DUSP29: variants seen among roughly 807,000 people sequenced by gnomAD.
DUSP29 encodes dual specificity phosphatase 29.
DUSP29 carries 12 observed loss-of-function variants against 13.5 expected under a neutral mutation model. The ratio of observed to expected loss-of-function variants is 0.89; its 90% confidence interval spans 0.57 to 1.44. The LOEUF (loss-of-function observed/expected upper bound fraction) is 1.44. Ranked by LOEUF, DUSP29 falls within the 40% of genes most tolerant of loss-of-function variation. The pLI is 0.00. For synonymous variants in DUSP29, 134 were observed against 128.7 expected, an observed-to-expected ratio of 1.04 and a Z score of -0.28; for missense variants, 308 against 301.1, an observed-to-expected ratio of 1.02 and a Z score of -0.17.
At chr10:75,050,696 C>T (rs1248804509) in intron 2 of DUSP29, among the ~76,000 whole-genome samples, 1 of 152,252 alleles carries the variant, frequency 6.6e-6, no homozygotes, top group African/African-American at 2.4e-5. Context: ...CCACGCTGAG[C>T]CTGCAGTTCC....
chr10:75,045,737 T>C (rs1846693471), intron 2 of DUSP29, among the ~76,000 whole-genome samples: 1 of 152,200 alleles, frequency 6.6e-6, no homozygotes, highest in Admixed American at 6.5e-5. Context: ...CTGCCCGCCA[T>C]AGGAAGGAGT....
chr10:75,042,054 G>A (rs1308215154), intron 3 of DUSP29, among the ~76,000 whole-genome samples: 1 of 152,144 alleles, frequency 6.6e-6, no homozygotes, highest in Non-Finnish European at 1.5e-5. Context: ...GCACATGCTG[G>A]CGTGGTTATA....
intron 1 of DUSP29, among the ~76,000 whole-genome samples, chr10:75,063,356 G>A (rs1471612834): frequency 1.3e-5 from 2 of 150,860 alleles, no homozygotes; most frequent in Non-Finnish European, 2.9e-5. Context: ...TCAAGTCACT[G>A]CAGCAGAAGT....
In DUSP29 at chr10:75,058,347, G is replaced by A. The variant is rs138302188; in HGVS notation, c.168C>T (p.Asn56=). The A allele has an allele frequency of 2.3e-4, 370 of 1,614,146 alleles. No individual in the cohort carries two copies. In the African/African-American group the frequency reaches 3.9e-3, roughly 17 times the overall value. Reference sequence around the variant, plus strand: ...CAATGTAGAGCTTGGGCCAGACCTCGTTGACGTGGGTGTACTGGGGACTGC... The same window carrying A: ...CAATGTAGAGCTTGGGCCAGACCTCATTGACGTGGGTGTACTGGGGACTGC... ...WKGSPQYTHV[N]EVWPKLYIGD... is the part of the protein sequence containing the mutation. Residue 56 remains asparagine, a synonymous_variant, in exon 2 of 4, where the codon AAC becomes AAT. Coordinates refer to ENST00000338487, the MANE Select transcript of DUSP29 (RefSeq NM_001003892.3).
In DUSP29 at chr10:75,067,969, C is replaced by T. The variant is rs369774214; in HGVS notation, c.-35+5600G>A. On this transcript the variant is annotated intron_variant, in intron 1 of 3. Coordinates refer to ENST00000338487, the MANE Select transcript of DUSP29 (RefSeq NM_001003892.3). Reference sequence around the variant, plus strand: ...CTGGGATTACAGGCGCTCACCATCCCGCCCAGCTAATTTTTGTATTTTTAG... The same window carrying T: ...CTGGGATTACAGGCGCTCACCATCCTGCCCAGCTAATTTTTGTATTTTTAG... 4.4e-3 allele frequency among the ~76,000 whole-genome samples: 674 copies of T among 152,184 alleles called. 5 individuals carry two copies. Among genetic ancestry groups the T allele is most frequent in the African/African-American group, 0.016 (650 of 41,520 alleles).
chr10:75,066,096 CAAAG>C (rs1847195664), intron 1 of DUSP29, among the ~76,000 whole-genome samples: 2 of 151,982 alleles, frequency 1.3e-5, no homozygotes, highest in South Asian at 4.1e-4. Context: ...TGGAGTGAAA[CAAAG>C]AGAACTAAAT....
In DUSP29 at chr10:75,043,800, G is replaced by A; in HGVS notation, c.418C>T (p.His140Tyr). ...AFIDRALSDD[H>Y]SKILVHCVMG... is the part of the protein sequence containing the mutation. ...GGCGGGGCCGCGGGTCTCTTACTGT[G>A]GTCGTCGCTTAGCGCTCTGTCGATG... Residue 140 changes from histidine to tyrosine, a missense_variant, in exon 3 of 4, where the codon CAC (histidine) becomes TAC (tyrosine). His to Tyr is a moderately conservative substitution (Grantham distance 83, BLOSUM62 2). Coordinates refer to ENST00000338487, the MANE Select transcript of DUSP29 (RefSeq NM_001003892.3). 6.2e-7 allele frequency: 1 copy of A among 1,612,314 alleles called. No homozygotes were observed. Among genetic ancestry groups the A allele is most frequent in the South Asian group, 1.1e-5 (1 of 91,044 alleles).
Position 75,058,373 on chromosome 10 carries a change from C to G in DUSP29, c.142G>C (p.Gly48Arg). ...TTGACGTGGGTGTACTGGGGACTGC[C>G]CTTCCAGAAGAGCCGCTCCAGCTCA... ...AFELERLFWK[G>R]SPQYTHVNEV... is the part of the protein sequence containing the mutation. Residue 48 changes from glycine to arginine, a missense_variant, in exon 2 of 4, where the codon GGC (glycine) becomes CGC (arginine). Coordinates refer to ENST00000338487, the MANE Select transcript of DUSP29 (RefSeq NM_001003892.3). The G allele has an allele frequency of 6.2e-7, 1 of 1,614,224 alleles. No homozygotes were observed. Among genetic ancestry groups the G allele is most frequent in the Non-Finnish European group, 8.5e-7 (1 of 1,180,036 alleles).
intron 1 of DUSP29, among the ~76,000 whole-genome samples, chr10:75,071,268 C>T (rs1847322582): frequency 1.3e-5 from 2 of 152,244 alleles, no homozygotes; most frequent in Admixed American, 1.3e-4. Context: ...ATGATTCCTG[C>T]TTGTCAGGAA....
At chr10:75,057,311 A>C (rs987262232) in intron 2 of DUSP29, among the ~76,000 whole-genome samples, 6 of 152,054 alleles carry the variant, frequency 3.9e-5, no homozygotes, top group African/African-American at 1.4e-4. Context: ...AAATAAATAC[A>C]ATAATATATG....
chr10:75,066,950 T>C (rs1847216685), intron 1 of DUSP29, among the ~76,000 whole-genome samples: 1 of 117,666 alleles, frequency 8.5e-6, no homozygotes, highest in Admixed American at 8.5e-5. Flanking sequence ...TTTCTTTTTT[T>C]TCTTTTTCTT....
At chr10:75,039,213 T>TG in intron 3 of DUSP29, among the ~76,000 whole-genome samples, 1 of 152,282 alleles carries the variant, frequency 6.6e-6, no homozygotes, top group South Asian at 2.1e-4. Context: ...TCAGAGCCCT[T>TG]GAGGCATGCC....
At chr10:75,053,073 G>A (rs1275548596) in intron 2 of DUSP29, among the ~76,000 whole-genome samples, 5 of 152,214 alleles carry the variant, frequency 3.3e-5, no homozygotes, top group East Asian at 3.9e-4. Context: ...GGCCGGGAGC[G>A]CAGCAGAGCT....
chr10:75,064,543 G>A (rs1389740244), intron 1 of DUSP29, among the ~76,000 whole-genome samples: 1 of 152,020 alleles, frequency 6.6e-6, no homozygotes, highest in African/African-American at 2.4e-5. Flanking sequence ...GTTTTTTGTA[G>A]AGATGGGCTC....
At chr10:75,070,094 G>A (rs201499038) in intron 1 of DUSP29, among the ~76,000 whole-genome samples, 11 of 80,430 alleles carry the variant, frequency 1.4e-4, no homozygotes, top group African/African-American at 6.3e-4. Context: ...AGGAAGGAAG[G>A]AAGGAAGGAA....
At chr10:75,058,260 G>A in intron 2 of DUSP29, 55 bp downstream of exon 2, 1 of 1,572,622 alleles carries the variant, frequency 6.4e-7, no homozygotes, top group East Asian at 2.3e-5. Flanking sequence ...CGCAGGGCGT[G>A]GCCTGGGGAG....
chr10:75,071,335 C>T (rs557056702), intron 1 of DUSP29, among the ~76,000 whole-genome samples: 3 of 152,288 alleles, frequency 2.0e-5, no homozygotes, highest in South Asian at 2.1e-4. Context: ...GCCTCGGGGC[C>T]GCAGTGTCTG....
rs945372254 is a variant in DUSP29 at position 75,073,632 on chromosome 10, C to T, written c.-98G>A. Among the ~76,000 whole-genome samples, 6 of 152,218 alleles carry T rather than the reference C, an allele frequency of 3.9e-5. No homozygotes were observed. Among genetic ancestry groups the T allele is most frequent in the African/African-American group, 1.2e-4 (5 of 41,458 alleles). The stretch of plus-strand genomic sequence containing the variant: ...GTCCGTGGGGCATGTAGCAGCCGCA[C>T]GCCCAGCCACCCCCACTGGCAACAG... On this transcript the variant is annotated 5_prime_UTR_variant, in exon 1 of 4. It adds an upstream start codon to the 5' untranslated region. Transcript: ENST00000338487.
intron 1 of DUSP29, among the ~76,000 whole-genome samples, chr10:75,060,209 C>T (rs1401703430): frequency 6.6e-6 from 1 of 152,128 alleles, no homozygotes; most frequent in Non-Finnish European, 1.5e-5. Flanking sequence ...GTGGCTTATG[C>T]CTGTAATCCC....
Sources: allele counts gnomAD v4.1 joint callset (sites outside exome capture counted in the v4.1 genomes callset), GRCh38; gene constraint gnomAD v4.1.1; transcripts MANE v1.5; gene names NCBI Gene and HGNC (gene_info 2026-07-23, HGNC 2026-07-21).